The following XKR6 variants were observed in gnomAD, a reference collection of about 807,000 sequenced individuals.
XKR6 encodes the protein XK related 6.
XKR6 carries 22 observed loss-of-function variants against 56.7 expected under a neutral mutation model. That is an observed-to-expected ratio of 0.39 (90% CI 0.28 to 0.55). XKR6 has a LOEUF of 0.55. Ranked by LOEUF, XKR6 falls within the 20% of genes least tolerant of loss-of-function variation. The probability of loss-of-function intolerance (pLI) is 0.66; values close to 1 mark genes in which losing one functional copy is unlikely to be tolerated. For synonymous variants in XKR6, 524 were observed against 387.8 expected (o/e 1.35, Z -4.13); for missense variants, 852 against 889.0 (o/e 0.96, Z 0.53).
At chr8:11,014,322 A>G (rs1027753274) in intron 1 of XKR6, among the ~76,000 whole-genome samples, 2 of 152,224 alleles carry the variant, frequency 1.3e-5, no homozygotes, top group African/African-American at 4.8e-5. Context: ...AAAAATGACC[A>G]GATTTTCAAA....
intron 1 of XKR6, among the ~76,000 whole-genome samples, chr8:11,085,019 C>T (rs1797840563): frequency 6.6e-6 from 1 of 152,152 alleles, no homozygotes; most frequent in South Asian, 2.1e-4. Context: ...CCTGCAGTTT[C>T]CCACCCCCCA....
chr8:11,191,957 A>G (rs142014709), intron 1 of XKR6, among the ~76,000 whole-genome samples: 1 of 152,282 alleles, frequency 6.6e-6, no homozygotes, highest in African/African-American at 2.4e-5. Flanking sequence ...TTCATATTTG[A>G]GGTGAAGTAT....
At chr8:11,041,091 C>T (rs944199093) in intron 1 of XKR6, among the ~76,000 whole-genome samples, 2 of 152,058 alleles carry the variant, frequency 1.3e-5, no homozygotes, top group Non-Finnish European at 2.9e-5. Flanking sequence ...GTGGCTGCCA[C>T]CCCCATCAGG....
intron 1 of XKR6, among the ~76,000 whole-genome samples, chr8:11,070,569 T>G (rs1800089703): frequency 6.6e-6 from 1 of 152,168 alleles, no homozygotes; most frequent in Non-Finnish European, 1.5e-5. Flanking sequence ...TTAGGCTGGT[T>G]CCATCCTGAA....
At chr8:11,019,667 T>C (rs1228278746) in intron 1 of XKR6, among the ~76,000 whole-genome samples, 1 of 152,064 alleles carries the variant, frequency 6.6e-6, no homozygotes, top group East Asian at 1.9e-4. Flanking sequence ...CGCCAAGACA[T>C]GGTGAGCTGA....
chr8:11,023,991 TG>T (rs1239063506), intron 1 of XKR6, among the ~76,000 whole-genome samples: 2 of 152,154 alleles, frequency 1.3e-5, no homozygotes, highest in African/African-American at 4.8e-5. Context: ...GGAAGGTCCT[TG>T]GATGTATTTC....
chr8:11,002,440 T>G, intron 1 of XKR6: 1 of 409,978 alleles, frequency 2.4e-6, no homozygotes, highest in Non-Finnish European at 5.1e-6. Flanking sequence ...ACACAGTGTT[T>G]GCAGTTCTCT....
intron 2 of XKR6, among the ~76,000 whole-genome samples, chr8:10,902,395 G>T (rs754826948): frequency 1.4e-4 from 21 of 152,194 alleles, no homozygotes; most frequent in Non-Finnish European, 1.9e-4. Flanking sequence ...GGAAGCAGAG[G>T]TGCAGGGGCT....
intron 1 of XKR6, among the ~76,000 whole-genome samples, chr8:10,946,252 G>A (rs1321142466): frequency 2.0e-5 from 3 of 152,010 alleles, no homozygotes; most frequent in Admixed American, 6.6e-5. Flanking sequence ...AGGGAAACAC[G>A]AATAGCCGAT....
chr8:11,196,296 G>A (rs1490054860), intron 1 of XKR6, among the ~76,000 whole-genome samples: 3 of 152,024 alleles, frequency 2.0e-5, no homozygotes, highest in Middle Eastern at 3.2e-3. Context: ...CCTTTCACAC[G>A]CAACATAAAC....
intron 2 of XKR6, among the ~76,000 whole-genome samples, chr8:10,917,374 C>T (rs572087535): frequency 1.3e-5 from 2 of 152,350 alleles, no homozygotes; most frequent in South Asian, 4.1e-4. Flanking sequence ...CCCAGGAGAT[C>T]CTGCCAAGTG....
chr8:10,978,093 T>G (rs1338489432), intron 1 of XKR6, among the ~76,000 whole-genome samples: 1 of 152,144 alleles, frequency 6.6e-6, no homozygotes, highest in Non-Finnish European at 1.5e-5. Flanking sequence ...GCAACTGGCC[T>G]CTATTTCCCA....
At position 11,155,725 on chromosome 8, in the gene XKR6, C is replaced by A. The variant is rs1450953809; in HGVS notation, c.764+44851G>T. Reference sequence around the variant, plus strand: ...TACAGAAGTCTCAATGGCCTCCCTACCTTACTCAAACCTCCCACCCGTCTA... The same window carrying A: ...TACAGAAGTCTCAATGGCCTCCCTAACTTACTCAAACCTCCCACCCGTCTA... On this transcript the variant is annotated intron_variant, in intron 1 of 2. Coordinates refer to ENST00000416569, the MANE Select transcript of XKR6 (RefSeq NM_173683.4). Among the ~76,000 whole-genome samples the A allele has an allele frequency of 2.6e-5, 4 of 152,290 alleles. No homozygotes were observed. The East Asian group carries it at 5.8e-4, about 22-fold the overall frequency.
intron 1 of XKR6, among the ~76,000 whole-genome samples, chr8:11,104,153 CACTT>C (rs1486209281): frequency 7.9e-5 from 12 of 152,184 alleles, no homozygotes; most frequent in Non-Finnish European, 2.9e-5. Flanking sequence ...CTAAGGGAAA[CACTT>C]AATGTAGCGT....
chr8:11,056,520 T>A (rs1799688953), intron 1 of XKR6, among the ~76,000 whole-genome samples: 1 of 152,132 alleles, frequency 6.6e-6, no homozygotes, highest in South Asian at 2.1e-4. Context: ...GAGATGTTCA[T>A]CTACCCCAAA....
rs899724681 is a variant in XKR6 at position 10,924,562 on chromosome 8, G to A, written c.961+72C>T. ...CCACAGAGCGTGCCAGGCACGAAGT[G>A]TGTGGGAGGCGGCCGTGGTCCCCAG... On this transcript the variant is annotated intron_variant, in intron 2 of 2. Transcript: ENST00000416569. 3.3e-6 allele frequency: 5 copies of A among 1,530,184 alleles called. No individual in the cohort carries two copies. In the African/African-American group the frequency reaches 5.5e-5, roughly 17 times the overall value. 94.8% of individuals were successfully genotyped at this position (1,530,184 alleles called of 1,614,324 possible).
intron 2 of XKR6, among the ~76,000 whole-genome samples, chr8:10,916,066 C>T (rs1241770221): frequency 2.0e-5 from 3 of 152,212 alleles, no homozygotes; most frequent in African/African-American, 7.2e-5. Context: ...GACACCTGAC[C>T]CCAAGATCAG....
rs1381147552 is a variant in XKR6 at position 11,200,965 on chromosome 8, C to T, written c.375G>A (p.Pro125=). 1 of 1,527,826 alleles carries T rather than the reference C, an allele frequency of 6.5e-7. No individual in the cohort carries two copies. The highest frequency in any genetic ancestry group is 8.8e-7 in the Non-Finnish European group (1 of 1,140,930). The allele number at this position is 1,527,826 out of a possible 1,614,324, so 94.6% of individuals were successfully genotyped here. ...PEPPPPQVER[P]WLDCLWIVLA... ...GCACGATCCACAGGCAGTCGAGCCACGGCCGCTCCACCTGCGGCGGCGGCG... is the reference window on the plus strand; with the variant it reads ...GCACGATCCACAGGCAGTCGAGCCATGGCCGCTCCACCTGCGGCGGCGGCG... The change falls in exon 1 of 3, where the codon CCG becomes CCA. Residue 125 remains proline (P), a synonymous_variant. Coordinates refer to ENST00000416569, the MANE Select transcript of XKR6 (RefSeq NM_173683.4). This position sits in a 1 kb window ranked among gnomAD's most constrained non-coding sequence, Gnocchi z 6.4.
At chr8:11,047,828 C>A (rs549870876) in intron 1 of XKR6, among the ~76,000 whole-genome samples, 3 of 152,152 alleles carry the variant, frequency 2.0e-5, no homozygotes, top group African/African-American at 4.8e-5. Context: ...AGTGAACATG[C>A]GATTACTGAA....
Sources: gnomAD v4.1 joint callset for allele counts (sites outside exome capture counted in the v4.1 genomes callset) on GRCh38, gnomAD v4.1.1 for gene constraint, Gnocchi (gnomAD v3.1) non-coding constraint, MANE v1.5 for transcripts, NCBI Gene and HGNC (gene_info 2026-07-23, HGNC 2026-07-21) for gene names.